DLG2: variants seen among roughly 807,000 people sequenced by gnomAD.
DLG2 encodes the protein discs large MAGUK scaffold protein 2.
Under a neutral mutation model 132.5 loss-of-function variants are expected in DLG2, and 45 were observed. The observed-to-expected ratio is 0.34, with a 90% CI of 0.27 to 0.44. The LOEUF (loss-of-function observed/expected upper bound fraction) is 0.44. DLG2 is among the 20% of genes least tolerant of loss of function. DLG2 has a pLI of 1.00. For synonymous variants in DLG2, 424 were observed against 419.6 expected (o/e 1.01, Z -0.13); for missense variants, 1,045 against 1,196.9 (o/e 0.87, Z 1.87).
rs1029120002 is a variant in DLG2 at position 83,469,183 on chromosome 11, G to C, written c.2619+18C>G. ...GAAACCTTCTTCAGGGGAGGTGTAA[G>C]AAGATTGGTGAACATACTCTTTCTG... On this transcript the variant is annotated intron_variant, in intron 25 of 27. Transcript: ENST00000376104. 2 of 1,570,996 alleles carry C rather than the reference G, an allele frequency of 1.3e-6. No homozygotes were observed. The highest frequency in any genetic ancestry group is 1.7e-6 in the Non-Finnish European group (2 of 1,158,278).
chr11:83,996,111 C>T (rs59839824), intron 11 of DLG2, among the ~76,000 whole-genome samples: 3,197 of 152,010 alleles, frequency 0.021, 110 homozygotes, highest in African/African-American at 0.073. Flanking sequence ...ATGTAAGGAA[C>T]TCAAACAACT....
intron 11 of DLG2, among the ~76,000 whole-genome samples, chr11:84,043,056 A>G (rs1049249282): frequency 2.6e-5 from 4 of 151,774 alleles, no homozygotes; most frequent in Admixed American, 2.0e-4. Flanking sequence ...ATTGATTTCT[A>G]TATTCTGATT....
At chr11:83,860,358 A>G (rs763281613) in intron 16 of DLG2, among the ~76,000 whole-genome samples, 3 of 152,184 alleles carry the variant, frequency 2.0e-5, no homozygotes, top group Non-Finnish European at 4.4e-5. Flanking sequence ...GCCCAAGACC[A>G]TGGGAACCCA....
chr11:83,529,416 A>G (rs2095684623), intron 21 of DLG2, among the ~76,000 whole-genome samples: 1 of 152,138 alleles, frequency 6.6e-6, no homozygotes, highest in African/African-American at 2.4e-5. Context: ...GTATTTTCTC[A>G]TAAAGATTTG....
chr11:84,916,597 C>T (rs953378339), intron 6 of DLG2, among the ~76,000 whole-genome samples: 1 of 152,044 alleles, frequency 6.6e-6, no homozygotes, highest in Non-Finnish European at 1.5e-5. Flanking sequence ...ACATATTTCC[C>T]CTGGATTACT....
chr11:84,914,032 A>G (rs1411487614), intron 6 of DLG2, among the ~76,000 whole-genome samples: 2 of 152,216 alleles, frequency 1.3e-5, no homozygotes, highest in East Asian at 3.8e-4. Context: ...GTACTCCTTG[A>G]AAAATGAATT....
At chr11:83,761,171 G>T (rs768651116) in intron 18 of DLG2, among the ~76,000 whole-genome samples, 2 of 152,186 alleles carry the variant, frequency 1.3e-5, no homozygotes, top group Admixed American at 6.5e-5. Flanking sequence ...CAGAATGACA[G>T]TGAGAATGGG....
At chr11:84,972,896 T>C (rs770637101) in intron 6 of DLG2, among the ~76,000 whole-genome samples, 1 of 152,002 alleles carries the variant, frequency 6.6e-6, no homozygotes, top group Non-Finnish European at 1.5e-5. Flanking sequence ...TTAGTCCCAC[T>C]GTCCATTGTA....
chr11:85,573,401 T>C (rs1249457888), intron 3 of DLG2, among the ~76,000 whole-genome samples: 1 of 152,150 alleles, frequency 6.6e-6, no homozygotes, highest in East Asian at 1.9e-4. Flanking sequence ...ACTTTTACCC[T>C]CCACAGAGTG....
At position 84,750,568 on chromosome 11, in the gene DLG2, T is replaced by G. The variant is rs544229840; in HGVS notation, c.358-215837A>C. On this transcript the variant is annotated intron_variant, in intron 6 of 27. Coordinates refer to ENST00000376104, the MANE Select transcript of DLG2 (RefSeq NM_001142699.3). ...AATTATATCTCAATGTTTTTAATAG[T>G]TATTGAAAAAAACTATATACCAAAT... Among the ~76,000 whole-genome samples the G allele has an allele frequency of 8.5e-5, 13 of 152,238 alleles. No homozygotes were observed. In the East Asian group the frequency reaches 2.5e-3, roughly 29 times the overall value.
intron 14 of DLG2, among the ~76,000 whole-genome samples, chr11:83,949,120 T>C (rs752566434): frequency 2.6e-5 from 4 of 152,210 alleles, no homozygotes; most frequent in Non-Finnish European, 5.9e-5. Context: ...CAGTGTTGAT[T>C]AGAAATAATT....
At chr11:84,468,592 A>C (rs1357951142) in intron 7 of DLG2, among the ~76,000 whole-genome samples, 4 of 151,550 alleles carry the variant, frequency 2.6e-5, no homozygotes, top group African/African-American at 4.8e-5. Context: ...GTTTGAGATG[A>C]GTGCCTTTTA....
chr11:84,991,415 G>A (rs1029668939), intron 6 of DLG2, among the ~76,000 whole-genome samples: 1 of 150,696 alleles, frequency 6.6e-6, no homozygotes, highest in East Asian at 2.0e-4. Flanking sequence ...AGGCTGAAGT[G>A]GGAGGATCGA....
chr11:85,305,557 G>A (rs1320189175), intron 3 of DLG2, among the ~76,000 whole-genome samples: 1 of 152,150 alleles, frequency 6.6e-6, no homozygotes, highest in Non-Finnish European at 1.5e-5. Context: ...CTGTCGCACA[G>A]GCTGGAGTGC....
intron 5 of DLG2, among the ~76,000 whole-genome samples, chr11:85,125,240 T>C (rs1330960909): frequency 2.0e-5 from 3 of 152,188 alleles, no homozygotes; most frequent in African/African-American, 4.8e-5. Context: ...AAAGGTCTTA[T>C]AAAGGACAAT....
chr11:84,499,300 C>T (rs571143593), intron 7 of DLG2, among the ~76,000 whole-genome samples: 2 of 152,156 alleles, frequency 1.3e-5, no homozygotes, highest in African/African-American at 4.8e-5. Context: ...CTAACATAAT[C>T]CCTGATAATG....
intron 18 of DLG2, among the ~76,000 whole-genome samples, chr11:83,673,518 G>A (rs112467779): frequency 2.1e-3 from 326 of 152,260 alleles, no homozygotes; most frequent in African/African-American, 7.4e-3. Context: ...GCATTATCCT[G>A]TAATATTTTA....
chr11:84,517,615 C>T (rs2099277764), intron 7 of DLG2, among the ~76,000 whole-genome samples: 1 of 151,844 alleles, frequency 6.6e-6, no homozygotes, highest in Non-Finnish European at 1.5e-5. Context: ...GAAAATAGAA[C>T]TATATCATAT....
chr11:85,153,095 C>T (rs1308606442), intron 5 of DLG2, among the ~76,000 whole-genome samples: 7 of 152,116 alleles, frequency 4.6e-5, no homozygotes, highest in Non-Finnish European at 8.8e-5. Flanking sequence ...CTTTATATTA[C>T]TATAGTATAG....
Sources: gnomAD v4.1 joint callset for allele counts (sites outside exome capture counted in the v4.1 genomes callset) on GRCh38, gnomAD v4.1.1 for gene constraint, MANE v1.5 for transcripts, NCBI Gene and HGNC (gene_info 2026-07-23, HGNC 2026-07-21) for gene names.